The following PGBD5 variants were observed in gnomAD, a reference collection of about 807,000 sequenced individuals.
The protein encoded by PGBD5 is piggyBac transposable element derived 5.
A neutral mutation model predicts 47.9 loss-of-function variants in PGBD5; 14 were observed. The observed-to-expected ratio is 0.29, with a 90% CI of 0.19 to 0.46. PGBD5 has a LOEUF of 0.46. PGBD5 is among the 20% of genes least tolerant of loss of function. PGBD5 has a pLI of 1.00. For synonymous variants in PGBD5, 316 were observed against 306.3 expected (o/e 1.03, Z -0.33); for missense variants, 635 against 716.0 (o/e 0.89, Z 1.29).
Position 230,337,414 on chromosome 1 carries a change from T to A in PGBD5, c.895-126A>T, listed in dbSNP as rs76769741. The A allele has an allele frequency of 3.8e-4, 374 of 980,258 alleles. 1 individual carries two copies. The African/African-American group carries it at 5.2e-3, about 14-fold the overall frequency. The allele number at this position is 980,258 out of a possible 1,614,324, so 60.7% of individuals were successfully genotyped here. On this transcript the variant is annotated intron_variant, in intron 3 of 6. Transcript: ENST00000391860. ...TTGGGAGCCCATGGAAAAGCCCCCA[T>A]CATCTTTTCAGCTCACAGGGACTCT...
intron 1 of PGBD5, among the ~76,000 whole-genome samples, chr1:230,412,706 C>T (rs1430174479): frequency 2.0e-5 from 3 of 152,090 alleles, no homozygotes; most frequent in Non-Finnish European, 4.4e-5. Context: ...AGTCTTTATC[C>T]TCATCATCTT....
At chr1:230,330,924 T>C (rs1667203533) in intron 5 of PGBD5, among the ~76,000 whole-genome samples, 1 of 152,240 alleles carries the variant, frequency 6.6e-6, no homozygotes, top group South Asian at 2.1e-4. Flanking sequence ...AATATCCTCC[T>C]TACATGCTCC....
chr1:230,403,575 C>T (rs114956984), intron 1 of PGBD5, among the ~76,000 whole-genome samples: 1,671 of 152,314 alleles, frequency 0.011, 33 homozygotes, highest in African/African-American at 0.038. Flanking sequence ...GAGAGACCTG[C>T]GGGCCCTGGA....
chr1:230,350,926 C>A (rs1001015471), intron 3 of PGBD5, 32 bp downstream of exon 3: 2 of 1,607,898 alleles, frequency 1.2e-6, no homozygotes, highest in Non-Finnish European at 8.5e-7. Context: ...ACCCTCTTCA[C>A]CGACCCTCCC....
chr1:230,358,834 T>C (rs1469206886), intron 1 of PGBD5, among the ~76,000 whole-genome samples: 1 of 152,234 alleles, frequency 6.6e-6, no homozygotes, highest in Non-Finnish European at 1.5e-5. Context: ...GGCTGTGCCA[T>C]ACAGGTTTGT....
intron 4 of PGBD5, among the ~76,000 whole-genome samples, chr1:230,334,962 G>A (rs1292585615): frequency 2.0e-5 from 3 of 150,568 alleles, no homozygotes; most frequent in East Asian, 3.9e-4. Context: ...TCGATGGCCC[G>A]GGATAGTCCT....
At chr1:230,422,940 T>C (rs1482679788) in intron 1 of PGBD5, among the ~76,000 whole-genome samples, 7 of 151,522 alleles carry the variant, frequency 4.6e-5, no homozygotes, top group Admixed American at 4.6e-4. Context: ...CGACTACAAC[T>C]CATAATGGTC....
intron 1 of PGBD5, among the ~76,000 whole-genome samples, chr1:230,361,029 C>T (rs59420937): frequency 0.033 from 5,038 of 151,294 alleles, 277 homozygotes; most frequent in African/African-American, 0.12. Context: ...AGGCCTTCCT[C>T]CCAGGCCAGC....
Position 230,386,790 on chromosome 1 carries a change from A to G in PGBD5, c.332-29469T>C, listed in dbSNP as rs559913782. Reference sequence around the variant, plus strand: ...TATATTTAGACATTATCTCTTTGAAATGTGTTATAAATATAGCCCCGATTT... The same window carrying G: ...TATATTTAGACATTATCTCTTTGAAGTGTGTTATAAATATAGCCCCGATTT... On this transcript the variant is annotated intron_variant, in intron 1 of 6. Coordinates refer to ENST00000391860, the MANE Select transcript of PGBD5 (RefSeq NM_001258311.2). Among the ~76,000 whole-genome samples, 31 of 152,324 alleles carry G rather than the reference A, an allele frequency of 2.0e-4. No individual in the cohort carries two copies. In the South Asian group the frequency reaches 6.4e-3, roughly 32 times the overall value.
At chr1:230,389,491 A>T (rs1656735802) in intron 1 of PGBD5, among the ~76,000 whole-genome samples, 1 of 152,198 alleles carries the variant, frequency 6.6e-6, no homozygotes, top group South Asian at 2.1e-4. Flanking sequence ...TCTTATAAAC[A>T]TCAATGAGCA....
In PGBD5 at chr1:230,321,590, C is replaced by T. The variant is rs1287678882; in HGVS notation, c.*1835G>A. ...AAGTGCTGGGATTACAGGCATGAGC[C>T]ACCGCACCCCGCCTGTTCCCTGACC... On this transcript the variant is annotated 3_prime_UTR_variant, in exon 7 of 7. Transcript: ENST00000391860. 5 of 152,310 alleles carry T rather than the reference C, an allele frequency of 3.3e-5. No homozygotes were observed. Among genetic ancestry groups the T allele is most frequent in the Non-Finnish European group, 5.9e-5 (4 of 68,056 alleles). The allele number at this position is 152,310 out of a possible 1,614,324, so 9.4% of individuals were successfully genotyped here. A position where few individuals can be genotyped will look rare whatever the true frequency, so the allele number is the denominator to read the frequency against.
At position 230,349,036 on chromosome 1, in the gene PGBD5, C is replaced by T. The variant is rs542421673; in HGVS notation, c.894+1922G>A. Among the ~76,000 whole-genome samples the T allele has an allele frequency of 7.9e-5, 12 of 152,356 alleles. No individual in the cohort carries two copies. The South Asian group carries it at 2.5e-3, about 32-fold the overall frequency. On this transcript the variant is annotated intron_variant, in intron 3 of 6. Transcript: ENST00000391860. The stretch of plus-strand genomic sequence containing the variant: ...GAGTTTTAGAAATGAAAGGAAACTT[C>T]AAGGTACCAACCCAAACTTCTTATA...
chr1:230,336,747 G>T lies in PGBD5; in HGVS notation c.1075+361C>A, dbSNP rs573810547. The stretch of plus-strand genomic sequence containing the variant: ...GAAGGGGCCACATTATAGATGATGG[G>T]TGAGTTCCAGAGACTTCCTAGAGCC... On this transcript the variant is annotated intron_variant, in intron 4 of 6. Transcript: ENST00000391860. 1.8e-3 allele frequency among the ~76,000 whole-genome samples: 275 copies of T among 152,294 alleles called. 1 individual carries two copies. Among genetic ancestry groups the T allele is most frequent in the Non-Finnish European group, 2.2e-3 (153 of 68,024 alleles).
rs1391854059 is a variant in PGBD5, at chr1:230,337,281, A to C, written c.902T>G (p.Val301Gly). Residue 301 changes from valine to glycine, a missense_variant, in exon 4 of 7, where the codon GTC becomes GGC. Transcript: ENST00000391860. ...SSTGFIIQIYVHLKEGGGPDG... is the reference protein window; with the variant it reads ...SSTGFIIQIYGHLKEGGGPDG... The stretch of plus-strand genomic sequence containing the variant: ...TGGGCCCCCACCTTCCTTCAGGTGG[A>C]CATAAATCTTTAACAGAAACACACA... 7 of 1,609,746 alleles carry C rather than the reference A, an allele frequency of 4.3e-6. No individual in the cohort carries two copies. The highest frequency in any genetic ancestry group is 2.7e-5 in the African/African-American group (2 of 74,880).
At chr1:230,393,945 C>T (rs1268337661) in intron 1 of PGBD5, among the ~76,000 whole-genome samples, 1 of 152,128 alleles carries the variant, frequency 6.6e-6, no homozygotes, top group Non-Finnish European at 1.5e-5. Flanking sequence ...GCCACACCTG[C>T]CCCGGCCTGG....
intron 1 of PGBD5, among the ~76,000 whole-genome samples, chr1:230,423,153 T>C (rs1269102206): frequency 6.6e-6 from 1 of 152,232 alleles, no homozygotes; most frequent in Admixed American, 6.5e-5. Context: ...TACCTGTTTT[T>C]ACAGTTGCAG....
intron 1 of PGBD5, among the ~76,000 whole-genome samples, chr1:230,386,627 T>A (rs537087826): frequency 1.3e-5 from 2 of 152,384 alleles, no homozygotes; most frequent in Admixed American, 6.5e-5. Context: ...CTAACTTACC[T>A]GAATATTAGT....
chr1:230,358,612 G>A (rs1244152280), intron 1 of PGBD5, among the ~76,000 whole-genome samples: 1 of 151,696 alleles, frequency 6.6e-6, no homozygotes. Context: ...AGATGTTTCA[G>A]TCAACAATGA....
chr1:230,405,648 C>T (rs1216101193), intron 1 of PGBD5, among the ~76,000 whole-genome samples: 1 of 152,090 alleles, frequency 6.6e-6, no homozygotes, highest in Non-Finnish European at 1.5e-5. Context: ...GCTGTATATA[C>T]CAGTAGCCTC....
Sources: gnomAD v4.1 joint callset for allele counts (sites outside exome capture counted in the v4.1 genomes callset) on GRCh38, gnomAD v4.1.1 for gene constraint, MANE v1.5 for transcripts, NCBI Gene and HGNC (gene_info 2026-07-23, HGNC 2026-07-21) for gene names.